The following NEO1 variants were observed in gnomAD, a reference collection of about 807,000 sequenced individuals.
NEO1 encodes the protein neogenin.
NEO1 carries 63 observed loss-of-function variants against 159.7 expected under a neutral mutation model. That is an observed-to-expected ratio of 0.39 (90% CI 0.32 to 0.49). The LOEUF (loss-of-function observed/expected upper bound fraction) is 0.49. Among genes scored for constraint, NEO1 ranks in the 20% least tolerant of loss-of-function variants. NEO1 has a pLI of 0.85. For missense variants in NEO1, 1,615 were observed against 1,831.0 expected (o/e 0.88, Z 2.15); for synonymous variants, 633 against 662.0 (o/e 0.96, Z 0.67).
intron 5 of NEO1, among the ~76,000 whole-genome samples, chr15:73,137,957 G>A (rs978797761): frequency 6.6e-6 from 1 of 152,160 alleles, no homozygotes; most frequent in Non-Finnish European, 1.5e-5. Context: ...ATAAATAGGT[G>A]TCTTAGAGGA....
chr15:73,293,655 TTTTA>T, intron 26 of NEO1, 107 bp downstream of exon 26: 1 of 1,241,010 alleles, frequency 8.1e-7, no homozygotes, highest in Non-Finnish European at 1.1e-6. Context: ...AATTTTTCTG[TTTTA>T]TTTAACTTAG....
At chr15:73,093,662 C>T (rs980359521) in intron 1 of NEO1, among the ~76,000 whole-genome samples, 5 of 151,968 alleles carry the variant, frequency 3.3e-5, no homozygotes, top group Admixed American at 6.6e-5. Context: ...CAACCTCTGC[C>T]TCCCAGGCTC....
At chr15:73,244,971 A>AAAAAAC (rs1567586642) in intron 9 of NEO1, among the ~76,000 whole-genome samples, 3 of 147,234 alleles carry the variant, frequency 2.0e-5, no homozygotes, top group African/African-American at 7.4e-5. Context: ...AAAAAAAAAA[A>AAAAAAC]AAAAAAAAAA....
chr15:73,118,533 C>CT (rs2071451623), intron 2 of NEO1, among the ~76,000 whole-genome samples: 2 of 151,374 alleles, frequency 1.3e-5, no homozygotes, highest in South Asian at 4.2e-4. Context: ...GCCTTCCAGC[C>CT]TTTGCTCATG....
chr15:73,258,701 G>A (rs887153642), intron 13 of NEO1, 65 bp from the exon 14 acceptor site: 1 of 1,339,520 alleles, frequency 7.5e-7, no homozygotes, highest in African/African-American at 1.4e-5. Context: ...CTTAATGAGG[G>A]ATTATTAATC....
intron 1 of NEO1, among the ~76,000 whole-genome samples, chr15:73,107,906 G>T (rs1388249159): frequency 6.6e-6 from 1 of 152,202 alleles, no homozygotes; most frequent in African/African-American, 2.4e-5. Context: ...TCTAGGCTGA[G>T]TGCAGTGGCT....
At chr15:73,285,209 T>C (rs1011488674) in intron 23 of NEO1, among the ~76,000 whole-genome samples, 2 of 152,044 alleles carry the variant, frequency 1.3e-5, no homozygotes, top group Admixed American at 1.3e-4. Flanking sequence ...AACCTCCACC[T>C]CCCGGGTTCA....
At chr15:73,079,225 T>A (rs2068922913) in intron 1 of NEO1, among the ~76,000 whole-genome samples, 1 of 152,208 alleles carries the variant, frequency 6.6e-6, no homozygotes, top group Non-Finnish European at 1.5e-5. Context: ...GCATGTATTG[T>A]AGGCTATTAT....
intron 1 of NEO1, among the ~76,000 whole-genome samples, chr15:73,115,952 T>C (rs1318631586): frequency 6.6e-6 from 1 of 152,212 alleles, no homozygotes; most frequent in African/African-American, 2.4e-5. Flanking sequence ...GACCTAAGTA[T>C]AACTATGTTT....
intron 22 of NEO1, among the ~76,000 whole-genome samples, chr15:73,280,608 A>C (rs2041649928): frequency 6.6e-6 from 1 of 152,154 alleles, no homozygotes; most frequent in African/African-American, 2.4e-5. Context: ...GCCCTACTCT[A>C]ATATGAACAG....
intron 7 of NEO1, among the ~76,000 whole-genome samples, chr15:73,222,343 A>T (rs941494794): frequency 9.9e-4 from 150 of 151,724 alleles, no homozygotes; most frequent in African/African-American, 3.4e-3. Flanking sequence ...TGACCTCGTG[A>T]TCCGCCCGCC....
intron 7 of NEO1, among the ~76,000 whole-genome samples, chr15:73,193,863 G>A (rs1257337177): frequency 6.6e-6 from 1 of 151,936 alleles, no homozygotes; most frequent in African/African-American, 2.4e-5. Flanking sequence ...GACAGGCAAG[G>A]GAGGCTGATT....
intron 25 of NEO1, among the ~76,000 whole-genome samples, chr15:73,291,253 C>T (rs2042154152): frequency 6.6e-6 from 1 of 152,152 alleles, no homozygotes. Flanking sequence ...ACTTGAGTTC[C>T]TACCTGAACT....
chr15:73,090,317 C>T (rs1463165198), intron 1 of NEO1, among the ~76,000 whole-genome samples: 1 of 152,082 alleles, frequency 6.6e-6, no homozygotes, highest in East Asian at 1.9e-4. Context: ...GCCTCAGCCT[C>T]CTGAGTAGCT....
At chr15:73,119,448 A>G (rs2071506195) in intron 2 of NEO1, among the ~76,000 whole-genome samples, 1 of 152,212 alleles carries the variant, frequency 6.6e-6, no homozygotes, top group Non-Finnish European at 1.5e-5. Flanking sequence ...TTTTTCTCTG[A>G]GCTGTCTCAT....
intron 7 of NEO1, among the ~76,000 whole-genome samples, chr15:73,183,614 C>A (rs1372114734): frequency 6.6e-6 from 1 of 152,128 alleles, no homozygotes; most frequent in African/African-American, 2.4e-5. Flanking sequence ...AGAGGGCCTA[C>A]CTAAGACTGA....
At chr15:73,260,700 A>C (rs1212213891) in intron 15 of NEO1, among the ~76,000 whole-genome samples, 1 of 152,058 alleles carries the variant, frequency 6.6e-6, no homozygotes, top group Admixed American at 6.6e-5. Flanking sequence ...CAGGTTTTGC[A>C]TTTTTGGAAG....
In NEO1 at chr15:73,098,465, A is replaced by G. The variant is rs188243685; in HGVS notation, c.131-18075A>G. On this transcript the variant is annotated intron_variant, in intron 1 of 28. Coordinates refer to ENST00000261908, the MANE Select transcript of NEO1 (RefSeq NM_002499.4). ...CCTGTGTGTATTAAAAGTTATATATATGTGTGTGTGTTAATATCCTACATT... is the reference window on the plus strand; with the variant it reads ...CCTGTGTGTATTAAAAGTTATATATGTGTGTGTGTGTTAATATCCTACATT... 6.6e-5 allele frequency among the ~76,000 whole-genome samples: 10 copies of G among 152,208 alleles called. No homozygotes were observed. In the East Asian group the frequency reaches 1.5e-3, roughly 23 times the overall value.
intron 16 of NEO1, among the ~76,000 whole-genome samples, chr15:73,269,762 CCTATAGAATG>C (rs2041085241): frequency 6.6e-6 from 1 of 152,056 alleles, no homozygotes; most frequent in South Asian, 2.1e-4. Flanking sequence ...TTTTAATATG[CCTATAGAATG>C]CAGTAGAGAA....
Sources: gnomAD v4.1 joint callset for allele counts (sites outside exome capture counted in the v4.1 genomes callset) on GRCh38, gnomAD v4.1.1 for gene constraint, MANE v1.5 for transcripts, NCBI Gene and HGNC (gene_info 2026-07-23, HGNC 2026-07-21) for gene names.